The following SASH1 variants were observed in gnomAD, a reference collection of about 807,000 sequenced individuals.
SASH1 encodes SAM and SH3 domain containing 1, also known as SAM and SH3 domain-containing protein 1.
Under a neutral mutation model 125.2 loss-of-function variants are expected in SASH1, and 44 were observed. That is an observed-to-expected ratio of 0.35 (90% CI 0.28 to 0.45). The LOEUF (loss-of-function observed/expected upper bound fraction) is 0.45, where lower values mean the gene tolerates loss of function less well. Ranked by LOEUF, SASH1 falls within the 20% of genes least tolerant of loss-of-function variation. The probability of loss-of-function intolerance (pLI) is 1.00; values close to 1 mark genes in which losing one functional copy is unlikely to be tolerated. For synonymous variants in SASH1, 639 were observed against 649.1 expected (o/e 0.98, Z 0.24); for missense variants, 1,426 against 1,614.5 (o/e 0.88, Z 2.00).
chr6:148,304,296 G>A lies in SASH1; in HGVS notation n.74+31919G>A, dbSNP rs184143248. Among the ~76,000 whole-genome samples, 75 of 152,162 alleles carry A rather than the reference G, an allele frequency of 4.9e-4. No individual in the cohort carries two copies. In the East Asian group the frequency reaches 9.5e-3, roughly 19 times the overall value. On this transcript the variant is annotated intron_variant and non_coding_transcript_variant, in intron 1 of 3. Coordinates refer to the SASH1 transcript ENST00000367469. ...TACTAAAAAAATACAAAAAATTAGC[G>A]TGGTGGTGGGCACCTGTAGTCCCAG... is the stretch of plus-strand genomic sequence containing the variant.
At chr6:148,214,487 C>T in the SASH1 span, among the ~76,000 whole-genome samples, 1 of 152,078 alleles carries the variant, frequency 6.6e-6, no homozygotes, top group Non-Finnish European at 1.5e-5. Context: ...ATTAGTATTA[C>T]CCCATAGAGG....
rs185370514 is a variant in SASH1, at chr6:148,529,859, T to G, written c.1429-1667T>G. 6.6e-6 allele frequency among the ~76,000 whole-genome samples: 1 copy of G among 152,052 alleles called. No individual in the cohort carries two copies. The highest frequency in any genetic ancestry group is 1.9e-4 in the East Asian group (1 of 5,176). ...TGTCACTCTGTCACCCAGGCTGGAG[T>G]GCAATGGTGTGGCCTCGGCTTACTG... On this transcript the variant is annotated intron_variant, in intron 12 of 19. Transcript: ENST00000367467. The surrounding 1 kb of genome is among the most constrained non-coding windows in gnomAD (Gnocchi z 4.2).
chr6:148,336,003 T>A (rs774651999), intron 1 of SASH1, among the ~76,000 whole-genome samples: 1 of 152,138 alleles, frequency 6.6e-6, no homozygotes, highest in Non-Finnish European at 1.5e-5. Context: ...TTATAATTTA[T>A]CAAGGTGCCT....
At chr6:148,385,031 C>T (rs767179421) in intron 1 of SASH1, among the ~76,000 whole-genome samples, 1 of 152,154 alleles carries the variant, frequency 6.6e-6, no homozygotes, top group Non-Finnish European at 1.5e-5. Context: ...CTCTTAAAAA[C>T]ACACATATAC....
intron 4 of SASH1, among the ~76,000 whole-genome samples, chr6:148,459,756 T>A (rs1284736210): frequency 6.6e-6 from 1 of 152,186 alleles, no homozygotes; most frequent in Non-Finnish European, 1.5e-5. Flanking sequence ...GTGCTTAGCA[T>A]GTGCAGGCAT....
chr6:148,396,478 G>GAAAAAAAAA (rs61277112), intron 2 of SASH1, among the ~76,000 whole-genome samples: 288 of 63,740 alleles, frequency 4.5e-3, no homozygotes, highest in African/African-American at 5.2e-3. Flanking sequence ...CTGCATCTCA[G>GAAAAAAAAA]AAAAAAAAAA....
the SASH1 span, among the ~76,000 whole-genome samples, chr6:148,200,762 G>C: frequency 1.3e-5 from 2 of 152,202 alleles, no homozygotes; most frequent in Admixed American, 6.5e-5. Context: ...ATTTTACAGG[G>C]CATTTACAAT....
At chr6:148,323,390 C>T (rs550881130) in intron 1 of SASH1, among the ~76,000 whole-genome samples, 3 of 152,276 alleles carry the variant, frequency 2.0e-5, no homozygotes, top group South Asian at 4.1e-4. Context: ...TAGCTAGGGC[C>T]TGGACACCTG....
intron 1 of SASH1, among the ~76,000 whole-genome samples, chr6:148,298,807 GAA>G (rs147986016): frequency 7.3e-6 from 1 of 136,608 alleles, no homozygotes. Flanking sequence ...AAAAGAGAAA[GAA>G]AAAAGAGAGG....
intron 1 of SASH1, among the ~76,000 whole-genome samples, chr6:148,366,779 G>T (rs1440350741): frequency 1.3e-5 from 2 of 151,932 alleles, no homozygotes; most frequent in Non-Finnish European, 2.9e-5. Context: ...TGTATTTTTG[G>T]CAGAGACGGG....
intron 1 of SASH1, among the ~76,000 whole-genome samples, chr6:148,388,534 G>A (rs1276863619): frequency 6.6e-6 from 1 of 152,226 alleles, no homozygotes; most frequent in Non-Finnish European, 1.5e-5. Context: ...TAGGAACTTT[G>A]AGGCAATCAG....
intron 1 of SASH1, among the ~76,000 whole-genome samples, chr6:148,358,133 A>G (rs969184904): frequency 2.2e-4 from 33 of 152,154 alleles, no homozygotes; most frequent in African/African-American, 7.0e-4. Flanking sequence ...GGCTTTAAAA[A>G]AAAAATCAAG....
At chr6:148,421,126 AAAGGAAGGAAGG>A (rs148595857) in intron 2 of SASH1, among the ~76,000 whole-genome samples, 1,189 of 82,254 alleles carry the variant, frequency 0.014, 27 homozygotes, top group Middle Eastern at 0.027. Flanking sequence ...AGAAAGGAAG[AAAGGAAGGAAGG>A]AAGGAAGGAA....
chr6:148,357,449 C>T lies in SASH1; in HGVS notation c.156+14226C>T, dbSNP rs534572887. Among the ~76,000 whole-genome samples, 3 of 152,176 alleles carry T rather than the reference C, an allele frequency of 2.0e-5. No individual in the cohort carries two copies. The East Asian group carries it at 5.8e-4, about 29-fold the overall frequency. ...GACCAGACCCAGATGGATTTGGCCT[C>T]TGCTCTTTGAGCAGAGTTTGATGGT... is the stretch of plus-strand genomic sequence containing the variant. On this transcript the variant is annotated intron_variant, in intron 1 of 19. Coordinates refer to ENST00000367467, the MANE Select transcript of SASH1 (RefSeq NM_015278.5).
At chr6:148,344,247 G>A (rs535699399) in intron 1 of SASH1, among the ~76,000 whole-genome samples, 1 of 152,142 alleles carries the variant, frequency 6.6e-6, no homozygotes, top group Admixed American at 6.6e-5. Flanking sequence ...CTGATCCTCA[G>A]TTTCATCACC....
intron 1 of SASH1, among the ~76,000 whole-genome samples, chr6:148,316,175 G>A (rs978218049): frequency 2.6e-5 from 4 of 152,160 alleles, no homozygotes; most frequent in African/African-American, 7.2e-5. Context: ...GAGTCAGAGT[G>A]CAATGTTTAC....
intron 1 of SASH1, among the ~76,000 whole-genome samples, chr6:148,359,510 G>T (rs1782104682): frequency 6.6e-6 from 1 of 152,070 alleles, no homozygotes; most frequent in African/African-American, 2.4e-5. Context: ...GATGAGTAAA[G>T]AAAGTGGTTT....
chr6:148,346,487 CA>C (rs71688552), intron 1 of SASH1, among the ~76,000 whole-genome samples: 30,883 of 139,290 alleles, frequency 0.22, 3,336 homozygotes, highest in South Asian at 0.35. Flanking sequence ...AACAAGCTTG[CA>C]AAAAAAAAAA....
chr6:148,199,375 GAAA>G, the SASH1 span, among the ~76,000 whole-genome samples: 1 of 123,616 alleles, frequency 8.1e-6, no homozygotes, highest in Non-Finnish European at 1.7e-5. Flanking sequence ...TCCGTCTCAA[GAAA>G]AAAAAAAAAA....
Sources: allele counts gnomAD v4.1 joint callset (sites outside exome capture counted in the v4.1 genomes callset), GRCh38; gene constraint gnomAD v4.1.1; non-coding constraint Gnocchi (gnomAD v3.1); transcripts MANE v1.5; gene names NCBI Gene and HGNC (gene_info 2026-07-23, HGNC 2026-07-21).